Variants in STK3 observed in about 807,000 individuals in gnomAD.
STK3 encodes serine/threonine kinase 3.
A neutral mutation model predicts 58.0 loss-of-function variants in STK3; 41 were observed. The ratio of observed to expected loss-of-function variants is 0.71; its 90% CI spans 0.55 to 0.92. STK3 has a LOEUF of 0.92. Among genes scored for constraint, STK3 ranks in the 40% least tolerant of loss-of-function variants. STK3 has a pLI of 0.00. For synonymous variants in STK3, 170 were observed against 191.0 expected, an observed-to-expected ratio of 0.89 and a Z score of 0.91; for missense variants, 479 against 602.7, an observed-to-expected ratio of 0.79 and a Z score of 2.15.
chr8:98,770,396 G>A (rs886067287), intron 2 of STK3, among the ~76,000 whole-genome samples: 1 of 152,204 alleles, frequency 6.6e-6, no homozygotes, highest in African/African-American at 2.4e-5. Flanking sequence ...GAATATGTGT[G>A]AGAACAAATT....
chr8:98,391,925 G>C (rs764715939), upstream of STK3, among the ~76,000 whole-genome samples: 8 of 152,128 alleles, frequency 5.3e-5, no homozygotes, highest in Non-Finnish European at 1.2e-4. Flanking sequence ...TTATGAAACT[G>C]ATAGTTCCCC....
chr8:98,581,700 T>C (rs897643069), intron 7 of STK3, among the ~76,000 whole-genome samples: 13 of 151,704 alleles, frequency 8.6e-5, no homozygotes, highest in African/African-American at 3.1e-4. Flanking sequence ...CAATGTTGTT[T>C]CTGGGTTGTT....
downstream of STK3, among the ~76,000 whole-genome samples, chr8:98,450,107 T>C (rs1015203664): frequency 6.6e-6 from 1 of 152,220 alleles, no homozygotes; most frequent in Admixed American, 6.5e-5. Flanking sequence ...GATATACAAC[T>C]TTCTTTCCTC....
intron 1 of STK3, among the ~76,000 whole-genome samples, chr8:98,785,523 T>C (rs1178811065): frequency 6.6e-6 from 1 of 152,170 alleles, no homozygotes; most frequent in East Asian, 1.9e-4. Flanking sequence ...GCGGTGAGCC[T>C]GCCCAGTCCA....
intron 6 of STK3, among the ~76,000 whole-genome samples, chr8:98,683,822 T>C (rs907456043): frequency 9.9e-5 from 15 of 152,018 alleles, no homozygotes; most frequent in Non-Finnish European, 1.3e-4. Context: ...ATAAAGAAAA[T>C]AGTAAACAAA....
At chr8:98,739,528 G>C (rs949915347) in intron 4 of STK3, among the ~76,000 whole-genome samples, 9 of 149,358 alleles carry the variant, frequency 6.0e-5, no homozygotes, top group African/African-American at 2.2e-4. Context: ...ACCTGCAGCT[G>C]AGGGTCCTGT....
chr8:98,836,865 G>C (rs922934929), intron 3 of STK3, among the ~76,000 whole-genome samples: 2 of 152,094 alleles, frequency 1.3e-5, no homozygotes, highest in Admixed American at 1.3e-4. Context: ...AAGAGCTTTT[G>C]TTTATGTGGA....
chr8:98,673,348 C>G (rs1402825583), intron 6 of STK3, among the ~76,000 whole-genome samples: 3 of 152,152 alleles, frequency 2.0e-5, no homozygotes, highest in Non-Finnish European at 4.4e-5. Context: ...CATCTGTAAG[C>G]TGTAGATATA....
chr8:98,654,171 G>A (rs1420355987), intron 6 of STK3, among the ~76,000 whole-genome samples: 2 of 152,164 alleles, frequency 1.3e-5, no homozygotes, highest in African/African-American at 2.4e-5. Context: ...ATGCAAGGCT[G>A]GTTCGATATA....
At chr8:98,766,784 C>T (rs1830976755) in intron 3 of STK3, among the ~76,000 whole-genome samples, 1 of 152,150 alleles carries the variant, frequency 6.6e-6, no homozygotes, top group African/African-American at 2.4e-5. Context: ...CAAAGCCATC[C>T]TCATCTGCCT....
At chr8:98,716,188 G>T (rs1305127331) in intron 4 of STK3, among the ~76,000 whole-genome samples, 2 of 152,148 alleles carry the variant, frequency 1.3e-5, no homozygotes, top group Non-Finnish European at 1.5e-5. Flanking sequence ...GACATTAAAT[G>T]ATGAGTTAAT....
chr8:98,761,251 A>G (rs1830597225), intron 3 of STK3, among the ~76,000 whole-genome samples: 1 of 151,824 alleles, frequency 6.6e-6, no homozygotes, highest in Non-Finnish European at 1.5e-5. Context: ...CAGCCTCCCA[A>G]GTAGCTGGGA....
intron 7 of STK3, among the ~76,000 whole-genome samples, chr8:98,586,853 C>A (rs1361135086): frequency 2.6e-5 from 4 of 151,678 alleles, no homozygotes; most frequent in East Asian, 1.9e-4. Context: ...GGAATTTATC[C>A]ATTTCTTCTA....
At chr8:98,653,142 A>G (rs1563850811) in intron 6 of STK3, among the ~76,000 whole-genome samples, 2 of 152,240 alleles carry the variant, frequency 1.3e-5, no homozygotes, top group Non-Finnish European at 2.9e-5. Context: ...CTCTCAGACC[A>G]CAGTGCAATC....
intron 10 of STK3, among the ~76,000 whole-genome samples, chr8:98,524,251 T>C (rs533908308): frequency 2.0e-5 from 3 of 152,350 alleles, no homozygotes; most frequent in East Asian, 3.9e-4. Context: ...TTGATTTCAG[T>C]AGCTTGGTAG....
chr8:98,374,412 C>T (rs1384055492), intron 2 of STK3, among the ~76,000 whole-genome samples: 1 of 152,220 alleles, frequency 6.6e-6, no homozygotes, highest in Non-Finnish European at 1.5e-5. Context: ...TGCCCGAGTT[C>T]CCTTCCAACC....
chr8:98,795,096 AAAAAAAAATATATAT>A lies in STK3; in HGVS notation c.27-20292_27-20278del, dbSNP rs1196816646. Among the ~76,000 whole-genome samples the A allele has an allele frequency of 4.4e-4, 27 of 61,374 alleles. 1 individual carries two copies. In the East Asian group the frequency reaches 5.5e-3, roughly 13 times the overall value. 40.3% of individuals were successfully genotyped at this position (61,374 alleles called of 152,430 possible). ...CTCCGTCGCAAAAAAAAAAAAAAAAAAAAAAAAATATATATATATATATATATATATATACATACT... is the reference window on the plus strand; with the variant it reads ...CTCCGTCGCAAAAAAAAAAAAAAAAAATATATATATATATATATACATACT... On this transcript the variant is annotated intron_variant, in intron 1 of 10. Coordinates refer to ENST00000419617, the MANE Select transcript of STK3 (RefSeq NM_006281.4).
At chr8:98,628,898 A>G (rs1818959751) in intron 6 of STK3, among the ~76,000 whole-genome samples, 1 of 151,552 alleles carries the variant, frequency 6.6e-6, no homozygotes, top group South Asian at 2.1e-4. Flanking sequence ...AAGTAGACGA[A>G]GGCAACAGGT....
At chr8:98,773,416 T>C (rs900555122) in intron 2 of STK3, among the ~76,000 whole-genome samples, 3 of 152,184 alleles carry the variant, frequency 2.0e-5, no homozygotes, top group Non-Finnish European at 4.4e-5. Flanking sequence ...TTGCTACTAT[T>C]ACTTTCTGTT....
Sources: allele counts gnomAD v4.1 joint callset (sites outside exome capture counted in the v4.1 genomes callset), GRCh38; gene constraint gnomAD v4.1.1; transcripts MANE v1.5; gene names NCBI Gene and HGNC (gene_info 2026-07-23, HGNC 2026-07-21).